Variants in GABBR2 observed in about 807,000 individuals in gnomAD.
GABBR2 encodes the protein gamma-aminobutyric acid type B receptor subunit 2.
GABBR2 carries 23 observed loss-of-function variants against 105.6 expected under a neutral mutation model. That is an observed-to-expected ratio of 0.22 (90% confidence interval 0.16 to 0.31). The LOEUF (loss-of-function observed/expected upper bound fraction) is 0.31. GABBR2 is among the 10% of genes least tolerant of loss of function. The pLI is 1.00. For synonymous variants in GABBR2, 478 were observed against 499.7 expected, an observed-to-expected ratio of 0.96 and a Z score of 0.58; for missense variants, 734 against 1,245.5, an observed-to-expected ratio of 0.59 and a Z score of 6.18.
chr9:98,362,693 C>T (rs1831607178), intron 13 of GABBR2, 22 bp downstream of exon 13: 15 of 1,488,238 alleles, frequency 1.0e-5, no homozygotes, highest in Non-Finnish European at 1.3e-5. Context: ...AGGCTTCCCT[C>T]CTGCCGGCAT....
At chr9:98,686,896 T>C (rs1402283220) in intron 1 of GABBR2, among the ~76,000 whole-genome samples, 1 of 151,988 alleles carries the variant, frequency 6.6e-6, no homozygotes, top group East Asian at 1.9e-4. Context: ...CTCCAAGCTC[T>C]GCCTCTCCCC....
At chr9:98,455,312 C>T (rs1182551309) in intron 6 of GABBR2, among the ~76,000 whole-genome samples, 1 of 152,170 alleles carries the variant, frequency 6.6e-6, no homozygotes, top group Non-Finnish European at 1.5e-5. Context: ...GACCCATTAC[C>T]CTCAGCTCCT....
At chr9:98,446,016 C>T (rs1757140932) in intron 7 of GABBR2, among the ~76,000 whole-genome samples, 1 of 152,102 alleles carries the variant, frequency 6.6e-6, no homozygotes, top group Non-Finnish European at 1.5e-5. Flanking sequence ...CTTTCAAATC[C>T]CTAGAGTGAA....
intron 8 of GABBR2, among the ~76,000 whole-genome samples, chr9:98,395,489 A>G (rs1832271865): frequency 2.6e-5 from 4 of 152,040 alleles, no homozygotes; most frequent in Admixed American, 2.6e-4. Context: ...ACCCCCAGGG[A>G]AAGTGAGCCA....
intron 1 of GABBR2, among the ~76,000 whole-genome samples, chr9:98,604,274 A>C (rs1399277247): frequency 6.6e-6 from 1 of 151,764 alleles, no homozygotes; most frequent in African/African-American, 2.4e-5. Flanking sequence ...CCCCCACCCA[A>C]CCTCCCACAC....
intron 7 of GABBR2, among the ~76,000 whole-genome samples, chr9:98,414,077 G>A (rs1832640755): frequency 6.6e-6 from 1 of 152,230 alleles, no homozygotes; most frequent in African/African-American, 2.4e-5. Flanking sequence ...GTCCTAGATT[G>A]CATGAAGTGT....
rs117737544 is a variant in GABBR2 at position 98,614,641 on chromosome 9, A to T, written c.322-36569T>A. Among the ~76,000 whole-genome samples the T allele has an allele frequency of 6.0e-3, 909 of 152,346 alleles. 6 individuals are homozygous for T. The highest frequency in any genetic ancestry group is 0.01 in the Non-Finnish European group (694 of 68,036). On this transcript the variant is annotated intron_variant, in intron 1 of 18. Transcript: ENST00000259455. ...TCTACATAAAGCTTAAAAATACTATAGATTGTTTATGGACATGTACATCTG... is the reference window on the plus strand; with the variant it reads ...TCTACATAAAGCTTAAAAATACTATTGATTGTTTATGGACATGTACATCTG...
rs78069794 is a variant in GABBR2, at chr9:98,495,265, C to T, written c.732+1148G>A. 9.4e-3 allele frequency among the ~76,000 whole-genome samples: 1,438 copies of T among 152,330 alleles called. 26 individuals carry two copies. Among genetic ancestry groups the T allele is most frequent in the African/African-American group, 0.033 (1,369 of 41,564 alleles). On this transcript the variant is annotated intron_variant, in intron 4 of 18. Coordinates refer to ENST00000259455, the MANE Select transcript of GABBR2 (RefSeq NM_005458.8). Reference sequence around the variant, plus strand: ...TTGCTCCCCTTCTCTGGGCTTTGGGCTCCCCATCTGTGAACTGGAGGATTT... The same window carrying T: ...TTGCTCCCCTTCTCTGGGCTTTGGGTTCCCCATCTGTGAACTGGAGGATTT...
chr9:98,394,294 T>A, intron 8 of GABBR2, 39 bp from the exon 9 acceptor site: 4 of 1,461,540 alleles, frequency 2.7e-6, no homozygotes, highest in Non-Finnish European at 9.6e-7. Context: ...TAGACTGGGA[T>A]CTGGGTTTGT....
At chr9:98,319,221 G>A (rs1170102594) in intron 13 of GABBR2, among the ~76,000 whole-genome samples, 1 of 152,094 alleles carries the variant, frequency 6.6e-6, no homozygotes, top group African/African-American at 2.4e-5. Context: ...GGTGTGACTC[G>A]CAAGCTGGAG....
chr9:98,608,025 C>T, intron 1 of GABBR2: 1 of 1,297,064 alleles, frequency 7.7e-7, no homozygotes, highest in Non-Finnish European at 1.1e-6. Flanking sequence ...GGAAAAACGT[C>T]ATCAGTTAGA....
chr9:98,348,956 T>C lies in GABBR2; in HGVS notation c.1893+13759A>G, dbSNP rs192165414. On this transcript the variant is annotated intron_variant, in intron 13 of 18. Coordinates refer to ENST00000259455, the MANE Select transcript of GABBR2 (RefSeq NM_005458.8). ...TAATTGCTCTGGCTAGGACTTCCAG[T>C]ACTGTGTTAAAGAAGACTAGTGAAA... 1.0e-3 allele frequency among the ~76,000 whole-genome samples: 158 copies of C among 152,332 alleles called. 1 individual carries two copies. Among genetic ancestry groups the C allele is most frequent in the Non-Finnish European group, 1.3e-3 (86 of 68,014 alleles).
At chr9:98,675,635 A>G (rs1444260886) in intron 1 of GABBR2, among the ~76,000 whole-genome samples, 1 of 152,162 alleles carries the variant, frequency 6.6e-6, no homozygotes, top group Admixed American at 6.5e-5. Context: ...GGTGAGTGGA[A>G]TCCAGGAAGG....
intron 12 of GABBR2, among the ~76,000 whole-genome samples, chr9:98,370,298 G>C (rs1212229242): frequency 6.6e-6 from 1 of 152,068 alleles, no homozygotes; most frequent in Non-Finnish European, 1.5e-5. Context: ...CCAATTGGGG[G>C]AGCATTTCAC....
chr9:98,431,136 A>G (rs1825802426), intron 7 of GABBR2, among the ~76,000 whole-genome samples: 1 of 151,368 alleles, frequency 6.6e-6, no homozygotes, highest in Non-Finnish European at 1.5e-5. Context: ...ACCTCCTTCA[A>G]TGCTTTTCTC....
chr9:98,586,228 A>AG (rs967561373), intron 1 of GABBR2, among the ~76,000 whole-genome samples: 33 of 150,568 alleles, frequency 2.2e-4, no homozygotes, highest in Non-Finnish European at 4.0e-4. Context: ...TCCTTTACCC[A>AG]GGGGGAGCCC....
rs988934684 is a variant in GABBR2, at chr9:98,494,272, G to A, written c.732+2141C>T. ...ATAGATATCAATCAGTGAAATGGAGGAGAAAATTAGCAGAAAGGGACAAGT... is the reference window on the plus strand; with the variant it reads ...ATAGATATCAATCAGTGAAATGGAGAAGAAAATTAGCAGAAAGGGACAAGT... On this transcript the variant is annotated intron_variant, in intron 4 of 18. Coordinates refer to ENST00000259455, the MANE Select transcript of GABBR2 (RefSeq NM_005458.8). 2.6e-5 allele frequency among the ~76,000 whole-genome samples: 4 copies of A among 152,312 alleles called. No individual in the cohort carries two copies. The East Asian group carries it at 7.7e-4, about 29-fold the overall frequency.
chr9:98,410,480 C>T (rs913232291), intron 7 of GABBR2, among the ~76,000 whole-genome samples: 10 of 150,574 alleles, frequency 6.6e-5, no homozygotes, highest in Admixed American at 2.7e-4. Context: ...TTAGAAAGAA[C>T]GCATAAGCAT....
At position 98,303,148 on chromosome 9, in the gene GABBR2, G is replaced by A. The variant is rs572391773; in HGVS notation, c.2412+93C>T. On this transcript the variant is annotated intron_variant, in intron 16 of 18. Transcript: ENST00000259455. ...GATGAGACTGCACGGTCATGCTGCA[G>A]GGATGGTCTAGAGGAGCCTGAGAGT... 769 of 972,344 alleles carry A rather than the reference G, an allele frequency of 7.9e-4. 2 individuals carry two copies. The highest frequency in any genetic ancestry group is 1.3e-3 in the South Asian group (81 of 61,762). 60.2% of individuals were successfully genotyped at this position (972,344 alleles called of 1,614,324 possible).
Sources: allele counts gnomAD v4.1 joint callset (sites outside exome capture counted in the v4.1 genomes callset), GRCh38; gene constraint gnomAD v4.1.1; transcripts MANE v1.5; gene names NCBI Gene and HGNC (gene_info 2026-07-23, HGNC 2026-07-21).